BCORL1: variants seen among roughly 807,000 people sequenced by gnomAD.
BCORL1 encodes the protein BCL6 corepressor like 1, also known as BCL-6 corepressor-like protein 1.
A neutral mutation model predicts 87.6 loss-of-function variants in BCORL1; 7 were observed. That is an observed-to-expected ratio of 0.08 (90% CI 0.05 to 0.15). The LOEUF (loss-of-function observed/expected upper bound fraction) is 0.15. BCORL1 is among the 10% of genes least tolerant of loss of function. BCORL1 has a pLI of 1.00. For synonymous variants in BCORL1, 591 were observed against 634.4 expected (o/e 0.93, Z 1.03); for missense variants, 1,215 against 1,499.7 (o/e 0.81, Z 3.13).
chrX:130,037,846 A>G (rs1234120961), intron 10 of BCORL1, among the ~76,000 whole-genome samples: 1 of 111,659 alleles, frequency 9.0e-6, no homozygotes, highest in African/African-American at 3.3e-5. Flanking sequence ...AGCCGCGACC[A>G]TGCCATTGCA....
chrX:129,984,599 A>T (rs1428828399), intron 1 of BCORL1, among the ~76,000 whole-genome samples: 1 of 110,557 alleles, frequency 9.0e-6, no homozygotes, highest in Non-Finnish European at 1.9e-5. Context: ...TCCCGCCGAG[A>T]GGAAGGCTGG....
At chrX:130,030,095 C>T (rs1053043691) in intron 8 of BCORL1, among the ~76,000 whole-genome samples, 1 of 111,953 alleles carries the variant, frequency 8.9e-6, no homozygotes, top group African/African-American at 3.2e-5. Context: ...CTTATTTCTT[C>T]ATCTTGAAGA....
intron 11 of BCORL1, among the ~76,000 whole-genome samples, chrX:130,041,677 A>G (rs778369571): frequency 1.8e-5 from 2 of 110,265 alleles, no homozygotes; most frequent in Non-Finnish European, 3.8e-5. Flanking sequence ...CCAAGGCTCG[A>G]GTGCAGTGGC....
At chrX:130,008,804 T>C (rs1928719576) in intron 2 of BCORL1, among the ~76,000 whole-genome samples, 1 of 112,315 alleles carries the variant, frequency 8.9e-6, no homozygotes, top group Admixed American at 9.4e-5. Context: ...CTGCCAGCTT[T>C]GGCAGCTGCA....
intron 11 of BCORL1, among the ~76,000 whole-genome samples, chrX:130,043,778 A>ATTTTT (rs1378667985): frequency 4.6e-5 from 1 of 21,878 alleles, no homozygotes; most frequent in African/African-American, 3.4e-4. Context: ...ATATATATAT[A>ATTTTT]TATATATTTT....
chrX:130,055,159 G>A (rs1224014005), intron 13 of BCORL1, among the ~76,000 whole-genome samples: 2 of 111,984 alleles, frequency 1.8e-5, no homozygotes, highest in African/African-American at 6.5e-5. Flanking sequence ...GCCCGGGATC[G>A]GCCTCTCCAG....
chrX:130,004,537 G>A (rs1051854240), intron 1 of BCORL1, among the ~76,000 whole-genome samples: 28 of 111,819 alleles, frequency 2.5e-4, no homozygotes, highest in African/African-American at 7.2e-4. Flanking sequence ...GAGCCACCGC[G>A]CCCTGCCGAA....
At position 130,050,740 on chromosome X, in the gene BCORL1, C is replaced by T. The variant is rs151302991; in HGVS notation, c.4864C>T (p.Arg1622Trp). 461 of 1,209,451 alleles carry T rather than the reference C, an allele frequency of 3.8e-4. No homozygotes were observed. Among genetic ancestry groups the T allele is most frequent in the South Asian group, 6.7e-4 (38 of 56,798 alleles). Residue 1622 changes from arginine to tryptophan, a missense_variant, in exon 12 of 14, where the codon CGG becomes TGG. Physicochemically the swap from Arg to Trp is moderately radical, Grantham distance 101 (BLOSUM62 -3). This residue lies in a region of BCORL1 where 129 missense variants were observed against 157.5 expected (regional missense o/e 0.82). Transcript: ENST00000540052. ...AGATCACCTCTCGGATCTTCAGGGC[C>T]GGGCAGAGGGTGATCCCGGTGTATC... The part of the protein sequence containing the change: ...LSDHLSDLQG[R>W]AEGDPGVSWD...
At chrX:130,054,959 G>A (rs1160413597) in intron 13 of BCORL1, among the ~76,000 whole-genome samples, 4 of 111,455 alleles carry the variant, frequency 3.6e-5, no homozygotes, top group Non-Finnish European at 7.5e-5. Flanking sequence ...GTGAGGGTGG[G>A]TGGGGGTGCA....
At chrX:130,055,752 TG>T (rs1932340005) in intron 13 of BCORL1, 101 bp from the exon 14 acceptor site, 8 of 896,762 alleles carry the variant, frequency 8.9e-6, no homozygotes, top group Non-Finnish European at 1.2e-5. Context: ...TGGGAGACAT[TG>T]ATGGTCGTGC....
intron 2 of BCORL1, among the ~76,000 whole-genome samples, chrX:130,007,767 C>T (rs1002659309): frequency 2.7e-5 from 3 of 112,018 alleles, no homozygotes; most frequent in African/African-American, 9.7e-5. Flanking sequence ...CACTGCACTC[C>T]AACCGGGGTG....
At position 130,057,328 on chromosome X, in the gene BCORL1, C is replaced by G. The variant is rs1932449626; in HGVS notation, c.*1192C>G. On this transcript the variant is annotated 3_prime_UTR_variant, in exon 14 of 14. Transcript: ENST00000540052. ...GTCTCCAGCCCTTGCTCCACTCATG[C>G]CTGGGGGCCTGGGGCTGAGTGGTAT... The G allele has an allele frequency of 9.0e-6, 1 of 111,612 alleles. No homozygotes were observed. The highest frequency in any genetic ancestry group is 9.5e-5 in the Admixed American group (1 of 10,509). The allele number at this position is 111,612 out of a possible 1,213,427, so 9.2% of individuals were successfully genotyped here.
rs781578120 is a variant in BCORL1, at chrX:130,028,634, GATT to G, written c.4079_4081del (p.Asp1360_Leu1361delinsVal). 18 of 1,200,969 alleles carry G rather than the reference GATT, an allele frequency of 1.5e-5. 1 individual carries two copies. The African/African-American group carries it at 3.2e-4, about 21-fold the overall frequency. Reference sequence around the variant, plus strand: ...GTTCTTTTCCTGTTTCTTGCCTTCAGATTTAAAGGCCCGTAAGCAGAAGACTTC... The same window carrying G: ...GTTCTTTTCCTGTTTCTTGCCTTCAGTAAAGGCCCGTAAGCAGAAGACTTC... On this transcript the variant is annotated inframe_deletion and splice_region_variant, in exon 8 of 14. Coordinates refer to ENST00000540052, the MANE Select transcript of BCORL1 (RefSeq NM_001379451.1).
At chrX:130,032,953 G>C (rs908560799) in intron 8 of BCORL1, among the ~76,000 whole-genome samples, 2 of 108,765 alleles carry the variant, frequency 1.8e-5, no homozygotes, top group African/African-American at 3.3e-5. Flanking sequence ...AGTAGAGATG[G>C]GGTTTCACCA....
intron 1 of BCORL1, among the ~76,000 whole-genome samples, chrX:129,988,376 G>A (rs974457229): frequency 3.6e-5 from 4 of 110,263 alleles, no homozygotes; most frequent in South Asian, 3.8e-4. Context: ...TTCTATCCCC[G>A]TAATTCAAAT....
At chrX:130,005,620 T>G (rs1163430797) in intron 2 of BCORL1, among the ~76,000 whole-genome samples, 3 of 110,396 alleles carry the variant, frequency 2.7e-5, no homozygotes, top group African/African-American at 9.9e-5. Context: ...ATGGCAATTT[T>G]TTTTTTGTTT....
At chrX:129,989,481 T>C (rs1449904426) in intron 1 of BCORL1, among the ~76,000 whole-genome samples, 1 of 70,980 alleles carries the variant, frequency 1.4e-5, no homozygotes, top group East Asian at 6.0e-4. Flanking sequence ...TTTTTTTTTT[T>C]AACCGGAGAC....
intron 10 of BCORL1, 72 bp downstream of exon 10, chrX:130,037,605 T>A (rs1339295990): frequency 9.0e-7 from 1 of 1,106,124 alleles, no homozygotes; most frequent in African/African-American, 1.9e-5. Context: ...AGACCTTGCC[T>A]GCCGCTGGCA....
intron 11 of BCORL1, among the ~76,000 whole-genome samples, chrX:130,048,043 T>G (rs1292618965): frequency 9.0e-6 from 1 of 111,719 alleles, no homozygotes; most frequent in Non-Finnish European, 1.9e-5. Flanking sequence ...GCACAGAAGA[T>G]CTAATGTGCA....
Sources: allele counts gnomAD v4.1 joint callset (sites outside exome capture counted in the v4.1 genomes callset), GRCh38; gene constraint gnomAD v4.1.1; regional missense constraint gnomAD v4.1.1; transcripts MANE v1.5; gene names NCBI Gene and HGNC (gene_info 2026-07-23, HGNC 2026-07-21).